PATJ: variants seen among roughly 807,000 people sequenced by gnomAD.
PATJ encodes inaD-like protein.
In PATJ, 190 loss-of-function variants were observed where a neutral mutation model predicts 224.9. The observed-to-expected ratio is 0.84, with a 90% CI of 0.75 to 0.95. PATJ has a LOEUF of 0.95. Among genes scored for constraint, PATJ ranks in the 40% least tolerant of loss-of-function variants. PATJ has a pLI of 0.00. For synonymous variants in PATJ, 769 were observed against 820.3 expected (o/e 0.94, Z 1.07); for missense variants, 2,121 against 2,270.3 (o/e 0.93, Z 1.34).
chr1:61,926,750 T>C (rs1295047296), intron 26 of PATJ, among the ~76,000 whole-genome samples: 1 of 152,242 alleles, frequency 6.6e-6, no homozygotes, highest in Admixed American at 6.5e-5. Context: ...GTGTGTGCTT[T>C]CCTTTATGAC....
intron 15 of PATJ, among the ~76,000 whole-genome samples, chr1:61,826,597 A>G (rs558486232): frequency 2.6e-5 from 4 of 152,322 alleles, no homozygotes; most frequent in Non-Finnish European, 4.4e-5. Context: ...AATTAGAATT[A>G]TGTAGCCAAA....
intron 7 of PATJ, among the ~76,000 whole-genome samples, chr1:61,777,699 CTTTCTTTTTT>C (rs1448846510): frequency 2.5e-5 from 2 of 80,086 alleles, no homozygotes; most frequent in Non-Finnish European, 4.5e-5. Flanking sequence ...TTCTTTCTTT[CTTTCTTTTTT>C]TTTTTTTTTT....
intron 29 of PATJ, among the ~76,000 whole-genome samples, chr1:62,024,657 AACACACACACACACACACACACAC>A (rs10605703): frequency 0.054 from 5,783 of 107,724 alleles, 199 homozygotes; most frequent in Middle Eastern, 0.074. Context: ...CCCACCTCCC[AACACACACACACACACACACACAC>A]ACACACACAC....
chr1:61,914,044 G>A (rs1673071320), intron 25 of PATJ, among the ~76,000 whole-genome samples: 1 of 152,158 alleles, frequency 6.6e-6, no homozygotes, highest in African/African-American at 2.4e-5. Context: ...TTAGAGTTAT[G>A]TATCTTCTCA....
chr1:61,753,558 G>A (rs1415673273), intron 1 of PATJ, among the ~76,000 whole-genome samples: 3 of 151,380 alleles, frequency 2.0e-5, no homozygotes, highest in South Asian at 2.1e-4. Flanking sequence ...TGTCACGGCT[G>A]GAGTGCAGTG....
chr1:61,985,123 C>T (rs1358801977), intron 27 of PATJ, among the ~76,000 whole-genome samples: 1 of 152,002 alleles, frequency 6.6e-6, no homozygotes, highest in Non-Finnish European at 1.5e-5. Flanking sequence ...ACCATCTTGG[C>T]CAATGTAGTG....
chr1:61,917,823 G>T (rs1002907002), intron 26 of PATJ, among the ~76,000 whole-genome samples: 1 of 152,114 alleles, frequency 6.6e-6, no homozygotes, highest in African/African-American at 2.4e-5. Flanking sequence ...GGAGGCCAAC[G>T]TGGGCGAATC....
intron 34 of PATJ, among the ~76,000 whole-genome samples, chr1:62,111,949 C>T (rs192307401): frequency 5.3e-5 from 8 of 151,432 alleles, no homozygotes; most frequent in African/African-American, 1.7e-4. Flanking sequence ...CATGAGCCAC[C>T]GCGCCCAGCC....
chr1:62,025,441 G>A (rs184755108), intron 29 of PATJ, among the ~76,000 whole-genome samples: 1 of 152,306 alleles, frequency 6.6e-6, no homozygotes, highest in East Asian at 1.9e-4. Flanking sequence ...GTATATTAAG[G>A]TCTGTGTATC....
rs3060985 is a variant in PATJ, at chr1:61,997,785, T to TTTTTGTTTTGTTTTG, written c.3867+7446_3867+7460dup. Among the ~76,000 whole-genome samples the TTTTTGTTTTGTTTTG allele has an allele frequency of 2.2e-5, 3 of 137,098 alleles. No individual in the cohort carries two copies. The South Asian group carries it at 7.1e-4, about 32-fold the overall frequency. 89.9% of individuals were successfully genotyped at this position (137,098 alleles called of 152,430 possible). On this transcript the variant is annotated intron_variant, in intron 28 of 43. Coordinates refer to ENST00000642238, the MANE Select transcript of PATJ (RefSeq NM_001350145.3). ...CTTCTTAGTTTTTTATGTGTGCGGTTTTTTGTTTTGTTTTGTTTTGTTTTG... is the reference window on the plus strand; with the variant it reads ...CTTCTTAGTTTTTTATGTGTGCGGTTTTTTGTTTTGTTTTGTTTTGTTTTGTTTTGTTTTGTTTTG...
chr1:62,132,169 G>A (rs1374742874), intron 41 of PATJ, among the ~76,000 whole-genome samples: 1 of 152,080 alleles, frequency 6.6e-6, no homozygotes, highest in Non-Finnish European at 1.5e-5. Flanking sequence ...TAGTAGCATG[G>A]GGATTTGTGG....
chr1:61,788,307 C>G (rs1304526091), intron 8 of PATJ, among the ~76,000 whole-genome samples: 1 of 152,046 alleles, frequency 6.6e-6, no homozygotes, highest in Non-Finnish European at 1.5e-5. Flanking sequence ...TGAGAATTAT[C>G]ACTGGTAGCC....
intron 6 of PATJ, among the ~76,000 whole-genome samples, 181 bp downstream of exon 6, chr1:61,771,807 C>T (rs1388144465): frequency 1.3e-5 from 2 of 151,916 alleles, no homozygotes; most frequent in Non-Finnish European, 2.9e-5. Context: ...GCAACCTCCA[C>T]CTCCTGGAAT....
At chr1:61,979,667 A>G (rs1158560457) in intron 27 of PATJ, among the ~76,000 whole-genome samples, 1 of 151,612 alleles carries the variant, frequency 6.6e-6, no homozygotes, top group Non-Finnish European at 1.5e-5. Flanking sequence ...AAAAAAAAAA[A>G]AAAGATTAGC....
At chr1:61,794,509 T>C (rs1006000573) in intron 9 of PATJ, among the ~76,000 whole-genome samples, 1 of 152,204 alleles carries the variant, frequency 6.6e-6, no homozygotes, top group Non-Finnish European at 1.5e-5. Flanking sequence ...TATTGTGTTT[T>C]ATTTTCCAAT....
chr1:62,096,837 G>A (rs1335234775), intron 33 of PATJ, among the ~76,000 whole-genome samples: 1 of 152,104 alleles, frequency 6.6e-6, no homozygotes, highest in East Asian at 1.9e-4. Context: ...GGCTAGTCTT[G>A]AACTCCTGAC....
In PATJ at chr1:61,863,036, T is replaced by G. The variant is rs918553241; in HGVS notation, c.2440-1202T>G. On this transcript the variant is annotated intron_variant, in intron 19 of 43. Transcript: ENST00000642238. ...AGTATTACTGTTTTCAGTTTTTTTTTTTTTTTTTTTTTTTTTTGAGATGGT... is the reference window on the plus strand; with the variant it reads ...AGTATTACTGTTTTCAGTTTTTTTTGTTTTTTTTTTTTTTTTTGAGATGGT... 7.7e-5 allele frequency among the ~76,000 whole-genome samples: 11 copies of G among 141,996 alleles called. No individual in the cohort carries two copies. In the South Asian group the frequency reaches 1.2e-3, roughly 16 times the overall value. The allele number at this position is 141,996 out of a possible 152,430, so 93.2% of individuals were successfully genotyped here.
rs34127211 is a variant in PATJ at position 62,143,438 on chromosome 1, ATTTTTTTTT to A, written c.5272-4824_5272-4816del. 1.2e-4 allele frequency among the ~76,000 whole-genome samples: 9 copies of A among 74,320 alleles called. No individual in the cohort carries two copies. The East Asian group carries it at 2.6e-3, about 22-fold the overall frequency. 48.8% of individuals were successfully genotyped at this position (74,320 alleles called of 152,430 possible). On this transcript the variant is annotated intron_variant, in intron 41 of 43. Coordinates refer to ENST00000642238, the MANE Select transcript of PATJ (RefSeq NM_001350145.3). ...TTGGATATCACAGACTAAGCTGGGA[ATTTTTTTTT>A]TTTTTTTTTTTTTTTTTTTTTGAGA...
chr1:62,061,767 C>T (rs920909791), intron 31 of PATJ, among the ~76,000 whole-genome samples: 1 of 152,106 alleles, frequency 6.6e-6, no homozygotes, highest in Non-Finnish European at 1.5e-5. Flanking sequence ...TCACGCCATT[C>T]TCCTGCCTCA....
Sources: allele counts gnomAD v4.1 joint callset (sites outside exome capture counted in the v4.1 genomes callset), GRCh38; gene constraint gnomAD v4.1.1; transcripts MANE v1.5; gene names NCBI Gene and HGNC (gene_info 2026-07-23, HGNC 2026-07-21).